The following FARS2 variants were observed in gnomAD, a reference collection of about 807,000 sequenced individuals.
FARS2 encodes the protein phenylalanyl-tRNA synthetase 2, mitochondrial.
FARS2 carries 40 observed loss-of-function variants against 46.4 expected under a neutral mutation model. That is an observed-to-expected ratio of 0.86 (90% CI 0.67 to 1.12). The LOEUF is 1.12. Among genes scored for constraint, FARS2 ranks in the 50% most tolerant of loss-of-function variants. The probability of loss-of-function intolerance (pLI) is 0.00; values close to 1 mark genes in which losing one functional copy is unlikely to be tolerated. For missense variants in FARS2, 513 were observed against 567.9 expected, an observed-to-expected ratio of 0.90 and a Z score of 0.98; for synonymous variants, 234 against 214.9, an observed-to-expected ratio of 1.09 and a Z score of -0.78.
chr6:5,420,499 T>G (rs563314518), intron 3 of FARS2, among the ~76,000 whole-genome samples: 1 of 152,272 alleles, frequency 6.6e-6, no homozygotes, highest in African/African-American at 2.4e-5. Context: ...ATTGGGTAAA[T>G]ACAGCCTTTC....
chr6:5,483,511 A>C (rs1766598392), intron 4 of FARS2, among the ~76,000 whole-genome samples: 1 of 152,086 alleles, frequency 6.6e-6, no homozygotes, highest in East Asian at 1.9e-4. Flanking sequence ...TACTAAAAAT[A>C]CAAAAATTAA....
chr6:5,408,858 G>A (rs1000884899), intron 3 of FARS2, among the ~76,000 whole-genome samples: 1 of 152,124 alleles, frequency 6.6e-6, no homozygotes, highest in Non-Finnish European at 1.5e-5. Flanking sequence ...CTGTGGCACC[G>A]TAGCCTTATT....
chr6:5,704,959 G>T (rs534930453), intron 6 of FARS2, among the ~76,000 whole-genome samples: 1 of 152,174 alleles, frequency 6.6e-6, no homozygotes, highest in Non-Finnish European at 1.5e-5. Flanking sequence ...CATGTGGCAT[G>T]CTTGTGTACA....
At chr6:5,405,609 CAGCCT>C (rs1171800495) in intron 3 of FARS2, among the ~76,000 whole-genome samples, 4 of 150,790 alleles carry the variant, frequency 2.7e-5, no homozygotes, top group Non-Finnish European at 5.9e-5. Flanking sequence ...TCTCCTGCCT[CAGCCT>C]CCTGAGTAGC....
chr6:5,296,050 A>G (rs1767835780), intron 1 of FARS2, among the ~76,000 whole-genome samples: 1 of 145,530 alleles, frequency 6.9e-6, no homozygotes, highest in Non-Finnish European at 1.5e-5. Flanking sequence ...TCTAGGAGGT[A>G]GGTACTATTC....
At chr6:5,370,234 T>C (rs538225577) in intron 2 of FARS2, among the ~76,000 whole-genome samples, 2 of 152,286 alleles carry the variant, frequency 1.3e-5, no homozygotes, top group East Asian at 3.9e-4. Flanking sequence ...TGAACAGGAC[T>C]GCCCTCCCCT....
chr6:5,318,844 C>T (rs1217072156), intron 1 of FARS2, among the ~76,000 whole-genome samples: 2 of 152,054 alleles, frequency 1.3e-5, no homozygotes, highest in Non-Finnish European at 2.9e-5. Context: ...CTTTCATTTC[C>T]AACAGCCAGT....
At chr6:5,335,537 T>G (rs1771094054) in intron 1 of FARS2, among the ~76,000 whole-genome samples, 1 of 152,210 alleles carries the variant, frequency 6.6e-6, no homozygotes, top group Non-Finnish European at 1.5e-5. Flanking sequence ...AGAAACTGTT[T>G]CAAGCTCTTT....
At chr6:5,300,033 T>C (rs1486810735) in intron 1 of FARS2, among the ~76,000 whole-genome samples, 1 of 152,204 alleles carries the variant, frequency 6.6e-6, no homozygotes, top group Non-Finnish European at 1.5e-5. Context: ...AAAGTTTAGA[T>C]GTCAAATTTA....
chr6:5,496,154 G>T (rs914136008), intron 4 of FARS2, among the ~76,000 whole-genome samples: 5 of 151,986 alleles, frequency 3.3e-5, no homozygotes, highest in Admixed American at 2.0e-4. Flanking sequence ...TTTTTGGTTG[G>T]GGGTGGAAGG....
intron 5 of FARS2, among the ~76,000 whole-genome samples, chr6:5,586,131 A>T (rs868705578): frequency 1.3e-5 from 2 of 152,052 alleles, no homozygotes; most frequent in African/African-American, 4.8e-5. Flanking sequence ...GACTCTTTAG[A>T]GTTTTCTATA....
Position 5,586,241 on chromosome 6 carries a change from T to C in FARS2, c.1066-26928T>C, listed in dbSNP as rs139741682. Among the ~76,000 whole-genome samples the C allele has an allele frequency of 3.5e-3, 537 of 152,294 alleles. 3 individuals carry two copies. Among genetic ancestry groups the C allele is most frequent in the Admixed American group, 0.012 (186 of 15,304 alleles). On this transcript the variant is annotated intron_variant, in intron 5 of 6. Transcript: ENST00000274680. ...GCTTAATTGCTCTGGCTAGCACCTCTAGTATTATGTTGAATAGAAGTGGCA... is the reference window on the plus strand; with the variant it reads ...GCTTAATTGCTCTGGCTAGCACCTCCAGTATTATGTTGAATAGAAGTGGCA...
Position 5,707,164 on chromosome 6 carries a change from G to A in FARS2, c.1218-64127G>A, listed in dbSNP as rs191778416. ...TTTGCCGAAAGGAATGAATGTGTCT[G>A]TGCAGTTTCCTGTTGATCCCTGTCT... On this transcript the variant is annotated intron_variant, in intron 6 of 6. Transcript: ENST00000274680. Among the ~76,000 whole-genome samples, 44 of 152,204 alleles carry A rather than the reference G, an allele frequency of 2.9e-4. 1 individual carries two copies. Among genetic ancestry groups the A allele is most frequent in the African/African-American group, 8.9e-4 (37 of 41,508 alleles).
intron 6 of FARS2, among the ~76,000 whole-genome samples, chr6:5,663,610 A>G (rs1777954664): frequency 6.6e-6 from 1 of 152,182 alleles, no homozygotes; most frequent in Non-Finnish European, 1.5e-5. Context: ...AAAAGAGCGG[A>G]GAGGAGAGAT....
At chr6:5,517,522 G>C (rs139068030) in intron 4 of FARS2, among the ~76,000 whole-genome samples, 2 of 151,960 alleles carry the variant, frequency 1.3e-5, no homozygotes, top group African/African-American at 2.4e-5. Context: ...TGAGGCAGGA[G>C]AATCGCTTGA....
chr6:5,739,869 G>A (rs1482775548), intron 6 of FARS2, among the ~76,000 whole-genome samples: 1 of 152,156 alleles, frequency 6.6e-6, no homozygotes, highest in African/African-American at 2.4e-5. Flanking sequence ...CTTGGAGCCT[G>A]TCATGTTCCT....
intron 5 of FARS2, among the ~76,000 whole-genome samples, chr6:5,554,056 A>G (rs1348935234): frequency 5.3e-5 from 8 of 151,958 alleles, no homozygotes; most frequent in African/African-American, 7.3e-5. Flanking sequence ...TCTTGAAACT[A>G]TTTTCTTTCT....
chr6:5,520,233 C>G (rs73356368), intron 4 of FARS2, among the ~76,000 whole-genome samples: 16,798 of 152,046 alleles, frequency 0.11, 999 homozygotes, highest in Admixed American at 0.16. Context: ...GTTATTATTT[C>G]TAGGTTCCTG....
intron 4 of FARS2, among the ~76,000 whole-genome samples, chr6:5,494,865 A>G (rs1024398645): frequency 2.0e-5 from 3 of 152,214 alleles, no homozygotes; most frequent in Non-Finnish European, 2.9e-5. Context: ...TCAAAAGAAA[A>G]CTAGATGAGG....
Sources: gnomAD v4.1 joint callset for allele counts (sites outside exome capture counted in the v4.1 genomes callset) on GRCh38, gnomAD v4.1.1 for gene constraint, MANE v1.5 for transcripts, NCBI Gene and HGNC (gene_info 2026-07-23, HGNC 2026-07-21) for gene names.